The following TBC1D12 variants were observed in gnomAD, a reference collection of about 807,000 sequenced individuals.
TBC1D12 encodes the protein TBC1 domain family, member 12.
Under a neutral mutation model 86.7 loss-of-function variants are expected in TBC1D12, and 56 were observed. The observed-to-expected ratio is 0.65, with a 90% CI of 0.52 to 0.81. TBC1D12 has a LOEUF of 0.81. Ranked by LOEUF, TBC1D12 falls within the 30% of genes least tolerant of loss-of-function variation. The pLI is 0.00. For synonymous variants in TBC1D12, 421 were observed against 411.7 expected, an observed-to-expected ratio of 1.02 and a Z score of -0.27; for missense variants, 1,023 against 1,038.8, an observed-to-expected ratio of 0.98 and a Z score of 0.21.
chr10:94,440,664 GA>G (rs1430125461), intron 1 of TBC1D12, among the ~76,000 whole-genome samples: 1 of 152,168 alleles, frequency 6.6e-6, no homozygotes, highest in Non-Finnish European at 1.5e-5. Flanking sequence ...TCATATGTGT[GA>G]ATTAAGAATT....
intron 1 of TBC1D12, among the ~76,000 whole-genome samples, chr10:94,423,133 A>AAAGGG (rs2055098613): frequency 2.1e-5 from 1 of 48,104 alleles, no homozygotes; most frequent in African/African-American, 7.5e-5. Context: ...AGAAAAAGAT[A>AAAGGG]AAGCAAAAAA....
intron 9 of TBC1D12, among the ~76,000 whole-genome samples, chr10:94,513,459 A>G (rs1467644181): frequency 1.3e-5 from 2 of 152,164 alleles, no homozygotes; most frequent in African/African-American, 4.8e-5. Context: ...ACTGTAATAA[A>G]TTTACATATA....
intron 2 of TBC1D12, 51 bp from the exon 3 acceptor site, chr10:94,474,617 C>G: frequency 7.5e-7 from 1 of 1,326,098 alleles, no homozygotes; most frequent in Non-Finnish European, 1.1e-6. Context: ...TTTAATAGTA[C>G]AAACTATGTT....
chr10:94,466,125 G>A (rs2055820004), intron 2 of TBC1D12, among the ~76,000 whole-genome samples: 1 of 151,766 alleles, frequency 6.6e-6, no homozygotes, highest in Non-Finnish European at 1.5e-5. Flanking sequence ...GCATATAGTT[G>A]GGTCTTAGTT....
intron 2 of TBC1D12, among the ~76,000 whole-genome samples, chr10:94,471,382 T>G (rs2055904104): frequency 6.6e-6 from 1 of 152,188 alleles, no homozygotes; most frequent in African/African-American, 2.4e-5. Context: ...TTAGTTCACG[T>G]TTTATAAAGG....
intron 2 of TBC1D12, among the ~76,000 whole-genome samples, chr10:94,473,980 C>A (rs917845991): frequency 2.6e-5 from 4 of 152,114 alleles, no homozygotes; most frequent in Non-Finnish European, 5.9e-5. Context: ...GATGTGTTAG[C>A]AAACTGTTGT....
intron 12 of TBC1D12, among the ~76,000 whole-genome samples, chr10:94,532,617 G>C (rs986252912): frequency 7.2e-5 from 11 of 152,122 alleles, no homozygotes; most frequent in African/African-American, 2.7e-4. Context: ...CTGTGTACTA[G>C]GGTTTGTAGT....
intron 2 of TBC1D12, among the ~76,000 whole-genome samples, chr10:94,460,236 T>C (rs2055704328): frequency 6.6e-6 from 1 of 151,868 alleles, no homozygotes; most frequent in Admixed American, 6.6e-5. Context: ...CAAGATTCCA[T>C]CTCAAAAAAA....
At chr10:94,424,869 T>C (rs969125355) in intron 1 of TBC1D12, among the ~76,000 whole-genome samples, 1 of 152,166 alleles carries the variant, frequency 6.6e-6, no homozygotes, top group African/African-American at 2.4e-5. Context: ...AGAAGGTCAC[T>C]GTGGCATGTC....
intron 7 of TBC1D12, chr10:94,508,657 C>G (rs1018119958): frequency 6.6e-6 from 1 of 152,018 alleles, no homozygotes; most frequent in Non-Finnish European, 1.5e-5. Context: ...TCTTCCCATC[C>G]CATGTTCCTT....
chr10:94,447,611 A>G (rs1286452770), intron 2 of TBC1D12: 3 of 985,040 alleles, frequency 3.0e-6, no homozygotes, highest in Non-Finnish European at 3.6e-6. Flanking sequence ...CTTTTTGAGG[A>G]TTATCACATG....
At position 94,403,193 on chromosome 10, in the gene TBC1D12, C is replaced by G; in HGVS notation, c.580C>G (p.Pro194Ala). ...GGGAAGCCCGTCCGATTGGGCCTCT[C>G]CGCTTGAGGACCCGCTGCGGAGCTG... is the stretch of plus-strand genomic sequence containing the variant. ...GAGSPSDWAS[P>A]LEDPLRSCCL... is the part of the protein sequence containing the mutation. Residue 194 changes from proline (P) to alanine (A), a missense_variant, in exon 1 of 13, where the codon CCG becomes GCG. Physicochemically the swap from Pro to Ala is conservative, Grantham distance 27. Around this residue, in one of 2 missense-constraint regions of TBC1D12, gnomAD observed 628 missense variants for 531.1 expected, o/e 1.18. Transcript: ENST00000225235. The G allele has an allele frequency of 6.7e-7, 1 of 1,498,218 alleles. No homozygotes were observed. Among genetic ancestry groups the G allele is most frequent in the Non-Finnish European group, 8.9e-7 (1 of 1,126,598 alleles). The allele number at this position is 1,498,218 out of a possible 1,614,324, so 92.8% of individuals were successfully genotyped here. A position where few individuals can be genotyped will look rare whatever the true frequency, so the allele number is the denominator to read the frequency against.
intron 7 of TBC1D12, chr10:94,509,881 TACC>T (rs2056506089): frequency 6.3e-6 from 3 of 476,310 alleles, no homozygotes; most frequent in Non-Finnish European, 7.3e-6. Context: ...AGAAATCCTT[TACC>T]ATATAACTTT....
At chr10:94,443,500 A>C (rs2055410019) in intron 2 of TBC1D12, among the ~76,000 whole-genome samples, 1 of 152,180 alleles carries the variant, frequency 6.6e-6, no homozygotes, top group Non-Finnish European at 1.5e-5. Context: ...ATCTATTGGT[A>C]CTTAAAACTG....
intron 2 of TBC1D12, among the ~76,000 whole-genome samples, chr10:94,456,381 T>C (rs1718859148): frequency 6.6e-6 from 1 of 152,348 alleles, no homozygotes; most frequent in East Asian, 1.9e-4. Context: ...CATTTTCATA[T>C]AGTTAAAAAT....
chr10:94,482,655 G>A (rs998031645), intron 3 of TBC1D12, among the ~76,000 whole-genome samples: 5 of 151,982 alleles, frequency 3.3e-5, no homozygotes, highest in Admixed American at 2.6e-4. Flanking sequence ...TTTCCATGTT[G>A]GTCAGGCTGG....
At chr10:94,482,062 C>G (rs1027120245) in intron 3 of TBC1D12, among the ~76,000 whole-genome samples, 1 of 152,094 alleles carries the variant, frequency 6.6e-6, no homozygotes, top group African/African-American at 2.4e-5. Context: ...CATAGGTAAA[C>G]TCATGTCATG....
intron 2 of TBC1D12, among the ~76,000 whole-genome samples, chr10:94,452,995 T>C (rs2055573810): frequency 6.6e-6 from 1 of 152,190 alleles, no homozygotes; most frequent in Non-Finnish European, 1.5e-5. Context: ...TGTGGTGGTG[T>C]CTCATTGTCT....
At chr10:94,530,649 A>G (rs1437446868) in intron 11 of TBC1D12, among the ~76,000 whole-genome samples, 2 of 152,140 alleles carry the variant, frequency 1.3e-5, no homozygotes, top group Non-Finnish European at 2.9e-5. Flanking sequence ...AAAGACAACT[A>G]TCCTGCTCAA....
Sources: gnomAD v4.1 joint callset for allele counts (sites outside exome capture counted in the v4.1 genomes callset) on GRCh38, gnomAD v4.1.1 for gene constraint, gnomAD v4.1.1 regional missense constraint, MANE v1.5 for transcripts, NCBI Gene and HGNC (gene_info 2026-07-23, HGNC 2026-07-21) for gene names.